RBMS1: variants seen among roughly 807,000 people sequenced by gnomAD.
RBMS1 encodes the protein RNA binding motif single stranded interacting protein 1, also known as RNA-binding motif, single-stranded-interacting protein 1.
RBMS1 carries 17 observed loss-of-function variants against 62.3 expected under a neutral mutation model. That is an observed-to-expected ratio of 0.27 (90% CI 0.19 to 0.41). The LOEUF (loss-of-function observed/expected upper bound fraction) is 0.41. Among genes scored for constraint, RBMS1 ranks in the 10% least tolerant of loss-of-function variants. The pLI, the probability that RBMS1 is intolerant of heterozygous loss-of-function variation, is 1.00. For synonymous variants in RBMS1, 172 were observed against 170.0 expected, an observed-to-expected ratio of 1.01 and a Z score of -0.09; for missense variants, 334 against 504.5, an observed-to-expected ratio of 0.66 and a Z score of 3.24.
chr2:160,336,657 A>T (rs1488152680), intron 2 of RBMS1, among the ~76,000 whole-genome samples: 1 of 152,198 alleles, frequency 6.6e-6, no homozygotes, highest in South Asian at 2.1e-4. Context: ...TATCATTTCA[A>T]CATGTAATGA....
At chr2:160,400,004 TTCTC>T (rs1695354254) in intron 1 of RBMS1, among the ~76,000 whole-genome samples, 1 of 152,176 alleles carries the variant, frequency 6.6e-6, no homozygotes, top group Non-Finnish European at 1.5e-5. Flanking sequence ...GAGTGCTTTC[TTCTC>T]TCTTAGCCCC....
intron 1 of RBMS1, among the ~76,000 whole-genome samples, chr2:160,451,770 G>A (rs547965178): frequency 3.9e-5 from 6 of 151,974 alleles, no homozygotes; most frequent in Admixed American, 2.6e-4. Flanking sequence ...CACCACTCCC[G>A]GCTAAATTTT....
intron 2 of RBMS1, among the ~76,000 whole-genome samples, chr2:160,349,761 GC>G (rs1364022341): frequency 7.3e-6 from 1 of 136,570 alleles, no homozygotes; most frequent in Admixed American, 8.2e-5. Context: ...CTTATAATAA[GC>G]AAAAATAAGC....
intron 2 of RBMS1, among the ~76,000 whole-genome samples, chr2:160,341,600 A>G (rs1173318144): frequency 6.6e-6 from 1 of 152,120 alleles, no homozygotes; most frequent in African/African-American, 2.4e-5. Context: ...ACCATAAACC[A>G]CAAGAAAATA....
At chr2:160,450,395 C>A (rs751124006) in intron 1 of RBMS1, among the ~76,000 whole-genome samples, 2 of 151,900 alleles carry the variant, frequency 1.3e-5, no homozygotes, top group Non-Finnish European at 2.9e-5. Flanking sequence ...AAAAAATTAG[C>A]CGGGCGTGAT....
Position 160,324,937 on chromosome 2 carries a change from C to CACAT in RBMS1, c.252-6711_252-6710insATGT, listed in dbSNP as rs1419233836. Among the ~76,000 whole-genome samples the CACAT allele has an allele frequency of 2.1e-5, 3 of 141,558 alleles. 1 individual carries two copies. Among genetic ancestry groups the CACAT allele is most frequent in the Middle Eastern group, 6.7e-3 (2 of 300 alleles). 92.9% of individuals were successfully genotyped at this position (141,558 alleles called of 152,430 possible). ...ACACACACACACACACACACACACA[C>CACAT]ATATATATGCGCCAATTATTTTAAT... On this transcript the variant is annotated intron_variant, in intron 2 of 13. Transcript: ENST00000348849.
intron 6 of RBMS1, 129 bp from the exon 7 acceptor site, chr2:160,287,213 G>C: frequency 1.7e-6 from 2 of 1,206,044 alleles, no homozygotes; most frequent in East Asian, 4.8e-5. Flanking sequence ...GGCAAAAGCA[G>C]TTTACTCAGA....
rs539036071 is a variant in RBMS1, at chr2:160,481,857, T to A, written c.75+11432A>T. Among the ~76,000 whole-genome samples, 3 of 152,286 alleles carry A rather than the reference T, an allele frequency of 2.0e-5. No individual in the cohort carries two copies. The South Asian group carries it at 6.2e-4, about 32-fold the overall frequency. ...ACTAAAAGACTGACAATATCAAGTT[T>A]TAGTGAGGACATAGAGCAATTAGAT... On this transcript the variant is annotated intron_variant, in intron 1 of 13. Coordinates refer to ENST00000348849, the MANE Select transcript of RBMS1 (RefSeq NM_016836.4).
rs1553505400 is a variant in RBMS1, at chr2:160,311,224, C to CTATATATCTA, written c.402+1931_402+1932insTAGATATATA. On this transcript the variant is annotated intron_variant, in intron 4 of 13. Coordinates refer to ENST00000348849, the MANE Select transcript of RBMS1 (RefSeq NM_016836.4). The stretch of plus-strand genomic sequence containing the variant: ...AAAAAAAAAAAATCTATCTATCTAT[C>CTATATATCTA]TATCTATCTATATATATATATATAT... 3.4e-4 allele frequency among the ~76,000 whole-genome samples: 19 copies of CTATATATCTA among 56,598 alleles called. 2 individuals carry two copies. The highest frequency in any genetic ancestry group is 6.9e-4 in the Non-Finnish European group (19 of 27,464). 37.1% of individuals were successfully genotyped at this position (56,598 alleles called of 152,430 possible).
intron 1 of RBMS1, among the ~76,000 whole-genome samples, chr2:160,396,737 G>C (rs987454422): frequency 6.6e-6 from 1 of 151,828 alleles, no homozygotes; most frequent in Admixed American, 6.6e-5. Context: ...GCTGATTTTT[G>C]TATTTTTAGT....
intron 2 of RBMS1, among the ~76,000 whole-genome samples, chr2:160,348,796 A>G (rs962694693): frequency 2.0e-5 from 3 of 152,174 alleles, no homozygotes; most frequent in Non-Finnish European, 4.4e-5. Context: ...AATGCATCCT[A>G]TTGCTTTGAA....
intron 10 of RBMS1, among the ~76,000 whole-genome samples, chr2:160,280,907 AT>A (rs1688072865): frequency 6.6e-6 from 1 of 152,190 alleles, no homozygotes. Context: ...AGTATTTATA[AT>A]CTCCATAGAA....
At chr2:160,354,795 C>A (rs1372909520) in intron 2 of RBMS1, among the ~76,000 whole-genome samples, 1 of 152,104 alleles carries the variant, frequency 6.6e-6, no homozygotes, top group Admixed American at 6.6e-5. Context: ...GTGGTCCTGG[C>A]CCCTTAAGCA....
chr2:160,414,530 A>G (rs1411434356), intron 1 of RBMS1, among the ~76,000 whole-genome samples: 1 of 152,198 alleles, frequency 6.6e-6, no homozygotes, highest in Non-Finnish European at 1.5e-5. Flanking sequence ...TAGGTCAACT[A>G]AAATCCTAAT....
chr2:160,279,966 A>G (rs1051565292), intron 10 of RBMS1, among the ~76,000 whole-genome samples: 1 of 152,236 alleles, frequency 6.6e-6, no homozygotes, highest in African/African-American at 2.4e-5. Flanking sequence ...GATGTGTGTC[A>G]GAGATAATGT....
At chr2:160,393,809 G>GA (rs371642014) in intron 1 of RBMS1, among the ~76,000 whole-genome samples, 3 of 149,572 alleles carry the variant, frequency 2.0e-5, no homozygotes, top group South Asian at 2.1e-4. Context: ...ACAAGAAAAA[G>GA]AAAAAAAAAG....
chr2:160,376,965 G>C (rs1694033329), intron 1 of RBMS1, among the ~76,000 whole-genome samples: 1 of 152,124 alleles, frequency 6.6e-6, no homozygotes, highest in African/African-American at 2.4e-5. Flanking sequence ...ACTGGGCCTG[G>C]TCAATCTGTG....
intron 2 of RBMS1, among the ~76,000 whole-genome samples, chr2:160,350,965 C>T: frequency 6.6e-6 from 1 of 152,062 alleles, no homozygotes; most frequent in East Asian, 1.9e-4. Flanking sequence ...TTTACAGTCC[C>T]ACCAACAGTG....
chr2:160,303,565 G>T, intron 4 of RBMS1, 78 bp from the exon 5 acceptor site: 1 of 1,447,544 alleles, frequency 6.9e-7, no homozygotes. Context: ...ATTTTTATTA[G>T]CTACTTTCTT....
Sources: allele counts gnomAD v4.1 joint callset (sites outside exome capture counted in the v4.1 genomes callset), GRCh38; gene constraint gnomAD v4.1.1; transcripts MANE v1.5; gene names NCBI Gene and HGNC (gene_info 2026-07-23, HGNC 2026-07-21).